Variants in SUPT4H1 observed in about 807,000 individuals in gnomAD.
SUPT4H1 encodes transcription elongation factor SPT4.
In SUPT4H1, 12 loss-of-function variants were observed where a neutral mutation model predicts 19.4. The observed-to-expected ratio is 0.62, with a 90% confidence interval of 0.40 to 1.00. SUPT4H1 has a LOEUF of 1.00. SUPT4H1 is among the 50% of genes least tolerant of loss of function. The pLI is 0.00. For synonymous variants in SUPT4H1, 58 were observed against 56.3 expected (o/e 1.03, Z -0.14); for missense variants, 115 against 149.2 (o/e 0.77, Z 1.19).
chr17:58,346,141 A>C lies in SUPT4H1; in HGVS notation c.*105T>G. 1 of 903,688 alleles carries C rather than the reference A, an allele frequency of 1.1e-6. No individual in the cohort carries two copies. The allele number at this position is 903,688 out of a possible 1,614,324, so 56.0% of individuals were successfully genotyped here. A position where few individuals can be genotyped will look rare whatever the true frequency, so the allele number is the denominator to read the frequency against. On this transcript the variant is annotated 3_prime_UTR_variant, in exon 5 of 5. Coordinates refer to ENST00000225504, the MANE Select transcript of SUPT4H1 (RefSeq NM_003168.3). ...TCTCTCAACAGTCAGCTGAGTCTGA[A>C]TTGGAGGGTAGGAAGTATTTGAAGT...
chr17:58,351,060 G>A (rs1341563226), intron 2 of SUPT4H1, among the ~76,000 whole-genome samples: 2 of 151,916 alleles, frequency 1.3e-5, no homozygotes, highest in Admixed American at 6.6e-5. Context: ...GTAGCTACAC[G>A]TGGATAGTGG....
chr17:58,348,711 TTCTC>T (rs139251542), intron 2 of SUPT4H1, among the ~76,000 whole-genome samples: 2 of 151,718 alleles, frequency 1.3e-5, no homozygotes, highest in African/African-American at 4.8e-5. Flanking sequence ...ATTTGGAATG[TTCTC>T]TCTCTCTCTC....
Position 58,351,848 on chromosome 17 carries a change from T to G in SUPT4H1, c.69+219A>C, listed in dbSNP as rs542033132. 1.7e-5 allele frequency: 10 copies of G among 593,400 alleles called. No homozygotes were observed. In the African/African-American group the frequency reaches 1.9e-4, roughly 11 times the overall value. 36.8% of individuals were successfully genotyped at this position (593,400 alleles called of 1,614,324 possible). Reference sequence around the variant, plus strand: ...GTAAGTTCACCGAACGTCTAAGAGCTGAGGATTCAAAGGCATGTAAGACCG... The same window carrying G: ...GTAAGTTCACCGAACGTCTAAGAGCGGAGGATTCAAAGGCATGTAAGACCG... On this transcript the variant is annotated intron_variant, in intron 1 of 4. Coordinates refer to ENST00000225504, the MANE Select transcript of SUPT4H1 (RefSeq NM_003168.3).
chr17:58,347,199 C>T lies in SUPT4H1; in HGVS notation c.275G>A (p.Arg92His), dbSNP rs770569322. 3.1e-6 allele frequency: 5 copies of T among 1,613,988 alleles called. No homozygotes were observed. The highest frequency in any genetic ancestry group is 2.2e-5 in the South Asian group (2 of 91,078). The stretch of plus-strand genomic sequence containing the variant: ...ATGATTATTATTACCTTGGGGCAGG[C>T]GACCAGTGACTGACACCGCATATAC... The part of the protein sequence containing the change: ...PGVYAVSVTG[R>H]LPQGIVRELK... Residue 92 changes from arginine (R) to histidine (H), a missense_variant, in exon 4 of 5, where the codon CGC becomes CAC. Coordinates refer to ENST00000225504, the MANE Select transcript of SUPT4H1 (RefSeq NM_003168.3).
intron 2 of SUPT4H1, among the ~76,000 whole-genome samples, chr17:58,348,957 A>G (rs1029142171): frequency 6.6e-6 from 1 of 152,242 alleles, no homozygotes; most frequent in Non-Finnish European, 1.5e-5. Context: ...AAGATATACA[A>G]ATGGCTATAA....
Position 58,352,117 on chromosome 17 carries a change from G to C in SUPT4H1, c.19C>G (p.Pro7Ala), listed in dbSNP as rs1474561983. The change falls in exon 1 of 5, where the codon CCG (proline) becomes GCG (alanine). Residue 7 changes from proline to alanine, a missense_variant. Transcript: ENST00000225504. ...GCCCGCAGATGCCGCAGGTCCTTCG[G>C]CACCGTCTCCAGGGCCATCTTCGCC... MALETVPKDLRHLRACL... is the reference protein window; with the variant it reads MALETVAKDLRHLRACL... 1 of 1,614,178 alleles carries C rather than the reference G, an allele frequency of 6.2e-7. No homozygotes were observed. The highest frequency in any genetic ancestry group is 2.2e-5 in the East Asian group (1 of 44,892).
chr17:58,347,741 G>A lies in SUPT4H1; in HGVS notation c.177-157C>T, dbSNP rs1020365214. ...TGGGATGAGGCTGACTCAAAGCTAG[G>A]ACTGACAAAAGTTCTTCATTCTTAT... On this transcript the variant is annotated intron_variant, in intron 2 of 4. Transcript: ENST00000225504. The A allele has an allele frequency of 5.8e-6, 4 of 694,430 alleles. No individual in the cohort carries two copies. In the Admixed American group the frequency reaches 7.0e-5, roughly 12 times the overall value. 43.0% of individuals were successfully genotyped at this position (694,430 alleles called of 1,614,324 possible).
intron 1 of SUPT4H1, 181 bp from the exon 2 acceptor site, chr17:58,351,689 C>G (rs1398639318): frequency 2.2e-5 from 13 of 581,614 alleles, no homozygotes; most frequent in Middle Eastern, 4.0e-4. Flanking sequence ...CCTCCCACTC[C>G]TTCCTCTCTC....
At chr17:58,349,853 G>A (rs184584046) in intron 2 of SUPT4H1, among the ~76,000 whole-genome samples, 32 of 152,334 alleles carry the variant, frequency 2.1e-4, no homozygotes, top group African/African-American at 7.0e-4. Context: ...GACAAAGCAT[G>A]GTGGTTGTCA....
chr17:58,346,270 G>A lies in SUPT4H1; in HGVS notation c.330C>T (p.Ser110=). 6.2e-7 allele frequency: 1 copy of A among 1,614,048 alleles called. No individual in the cohort carries two copies. The highest frequency in any genetic ancestry group is 8.5e-7 in the Non-Finnish European group (1 of 1,179,954). ...ELKSRGVAYK[S]RDTAIKT ...GCTAGGTCTTTATAGCTGTGTCTCT[G>A]GATTTGTAGGCCACTCCTCGACTTT... is the stretch of plus-strand genomic sequence containing the variant. The change falls in exon 5 of 5, where the codon TCC becomes TCT. Residue 110 remains serine, a synonymous_variant. Transcript: ENST00000225504.
At chr17:58,351,575 C>G (rs1441455823) in intron 1 of SUPT4H1, 67 bp from the exon 2 acceptor site, 1 of 1,120,948 alleles carries the variant, frequency 8.9e-7, no homozygotes, top group South Asian at 1.3e-5. Context: ...GAAAAAGTAG[C>G]TTTCTCAATA....
At chr17:58,347,076 C>T in intron 4 of SUPT4H1, 112 bp downstream of exon 4, 3 of 1,057,438 alleles carry the variant, frequency 2.8e-6, no homozygotes, top group Admixed American at 1.9e-5. Context: ...TGGTTCCCCC[C>T]ATCTGTAAAA....
At chr17:58,351,164 G>A (rs1370278856) in intron 2 of SUPT4H1, among the ~76,000 whole-genome samples, 2 of 148,470 alleles carry the variant, frequency 1.3e-5, no homozygotes, top group East Asian at 4.1e-4. Flanking sequence ...ACTCTGGGAG[G>A]TTGAAGTCAG....
At chr17:58,346,371 A>ATAT in intron 4 of SUPT4H1, 58 bp from the exon 5 acceptor site, 3 of 1,447,642 alleles carry the variant, frequency 2.1e-6, no homozygotes, top group African/African-American at 2.8e-5. Context: ...AAGATAGGCC[A>ATAT]CTCAGCTGCC....
Position 58,352,131 on chromosome 17 carries a change from G to A in SUPT4H1, c.5C>T (p.Ala2Val). The A allele has an allele frequency of 6.2e-7, 1 of 1,614,134 alleles. No homozygotes were observed. Among genetic ancestry groups the A allele is most frequent in the African/African-American group, 1.3e-5 (1 of 75,054 alleles). The stretch of plus-strand genomic sequence containing the variant: ...CAGGTCCTTCGGCACCGTCTCCAGG[G>A]CCATCTTCGCCGATGGGAAGAACAA... Reference protein sequence around the residue: MALETVPKDLRH... With the variant: MVLETVPKDLRH... The change falls in exon 1 of 5, where the codon GCC (alanine) becomes GTC (valine). Residue 2 changes from alanine (A) to valine (V), a missense_variant. By Grantham distance (64) the Ala-to-Val change is moderately conservative. Coordinates refer to ENST00000225504, the MANE Select transcript of SUPT4H1 (RefSeq NM_003168.3).
Position 58,351,488 on chromosome 17 carries a change from A to G in SUPT4H1, c.90T>C (p.Tyr30=). The G allele has an allele frequency of 6.2e-7, 1 of 1,613,620 alleles. No homozygotes were observed. Among genetic ancestry groups the G allele is most frequent in the Non-Finnish European group, 8.5e-7 (1 of 1,179,514 alleles). ...ATGCATCACAATTGTCACAACCATC[A>G]TATTCAAACTGGTCTATAGTCTGGG... ...SLVKTIDQFE[Y]DGCDNCDAYL... is the part of the protein sequence containing the mutation. Residue 30 remains tyrosine (Y), a synonymous_variant, in exon 2 of 5, where the codon TAT becomes TAC. Coordinates refer to ENST00000225504, the MANE Select transcript of SUPT4H1 (RefSeq NM_003168.3).
chr17:58,346,590 G>A (rs994534485), intron 4 of SUPT4H1, among the ~76,000 whole-genome samples: 2 of 151,962 alleles, frequency 1.3e-5, no homozygotes, highest in Non-Finnish European at 2.9e-5. Context: ...AGGTGTAGTG[G>A]CTTGCACCTG....
intron 4 of SUPT4H1, among the ~76,000 whole-genome samples, chr17:58,346,887 G>C (rs1972311192): frequency 6.6e-6 from 1 of 152,142 alleles, no homozygotes. Flanking sequence ...GCAGAGGTGG[G>C]AGGAGCACAT....
Position 58,349,001 on chromosome 17 carries a change from G to A in SUPT4H1, c.177-1417C>T, listed in dbSNP as rs550302008. Among the ~76,000 whole-genome samples the A allele has an allele frequency of 8.5e-5, 13 of 152,276 alleles. No homozygotes were observed. In the South Asian group the frequency reaches 2.7e-3, roughly 32 times the overall value. On this transcript the variant is annotated intron_variant, in intron 2 of 4. Transcript: ENST00000225504. Reference sequence around the variant, plus strand: ...GAGGCTCAACATCACCATTCATTGGGGGAAATGGGACACCAAAGTCACACC... The same window carrying A: ...GAGGCTCAACATCACCATTCATTGGAGGAAATGGGACACCAAAGTCACACC...
Sources: allele counts gnomAD v4.1 joint callset (sites outside exome capture counted in the v4.1 genomes callset), GRCh38; gene constraint gnomAD v4.1.1; transcripts MANE v1.5; gene names NCBI Gene and HGNC (gene_info 2026-07-23, HGNC 2026-07-21).